ZNF609: variants seen among roughly 807,000 people sequenced by gnomAD.
ZNF609 encodes zinc finger protein 609.
A neutral mutation model predicts 109.5 loss-of-function variants in ZNF609; 11 were observed. The ratio of observed to expected loss-of-function variants is 0.10; its 90% CI spans 0.06 to 0.17. ZNF609 has a LOEUF of 0.17. ZNF609 is among the 10% of genes least tolerant of loss of function. ZNF609 has a pLI of 1.00. For synonymous variants in ZNF609, 646 were observed against 662.0 expected (o/e 0.98, Z 0.37); for missense variants, 1,559 against 1,772.4 (o/e 0.88, Z 2.16).
At chr15:64,626,829 C>G (rs1895970465) in intron 3 of ZNF609, among the ~76,000 whole-genome samples, 1 of 152,212 alleles carries the variant, frequency 6.6e-6, no homozygotes, top group Non-Finnish European at 1.5e-5. Context: ...CTAGATTCAA[C>G]CGTGGGACTG....
rs748250002 is a variant in ZNF609, at chr15:64,681,299, G to C, written c.4163-10G>C. Reference sequence around the variant, plus strand: ...GAGTGCTACACTAACATGTTCTCCTGCTTATTCAGGGCTTTCTTCTACAGC... The same window carrying C: ...GAGTGCTACACTAACATGTTCTCCTCCTTATTCAGGGCTTTCTTCTACAGC... On this transcript the variant is annotated splice_polypyrimidine_tract_variant and intron_variant, in intron 8 of 9. Transcript: ENST00000326648. The C allele has an allele frequency of 6.2e-7, 1 of 1,613,468 alleles. No individual in the cohort carries two copies. The highest frequency in any genetic ancestry group is 8.5e-7 in the Non-Finnish European group (1 of 1,179,602).
At chr15:64,465,526 G>A (rs1435809596) in intron 1 of ZNF609, among the ~76,000 whole-genome samples, 3 of 151,908 alleles carry the variant, frequency 2.0e-5, no homozygotes, top group East Asian at 1.9e-4. Flanking sequence ...GTCTACAGGC[G>A]CCCACCACCA....
intron 2 of ZNF609, among the ~76,000 whole-genome samples, chr15:64,586,464 C>G (rs1895198675): frequency 6.6e-6 from 1 of 152,068 alleles, no homozygotes; most frequent in Non-Finnish European, 1.5e-5. Context: ...TGAGCAGTGG[C>G]TGAGAAAGTA....
intron 2 of ZNF609, among the ~76,000 whole-genome samples, chr15:64,619,471 A>G (rs1182296285): frequency 6.6e-6 from 1 of 152,208 alleles, no homozygotes; most frequent in African/African-American, 2.4e-5. Context: ...CCAAATGGTA[A>G]TTAACAGAGC....
chr15:64,490,611 TA>T lies in ZNF609; in HGVS notation c.-127-8680del, dbSNP rs377557076. On this transcript the variant is annotated intron_variant, in intron 1 of 9. Coordinates refer to ENST00000326648, the MANE Select transcript of ZNF609 (RefSeq NM_015042.2). ...TTTTTTTTTAATTGTTTACCTCAGA[TA>T]ATCTGCCTCTGCTTTTTGGCCTAGC... Among the ~76,000 whole-genome samples the T allele has an allele frequency of 6.1e-3, 931 of 152,260 alleles. 10 individuals are homozygous for T. Among genetic ancestry groups the T allele is most frequent in the African/African-American group, 0.021 (875 of 41,568 alleles).
At chr15:64,669,068 A>C (rs1896690361) in intron 3 of ZNF609, among the ~76,000 whole-genome samples, 1 of 152,036 alleles carries the variant, frequency 6.6e-6, no homozygotes. Flanking sequence ...TCATGTTGCC[A>C]AAGGAAAAGG....
chr15:64,588,557 C>G (rs1451318679), intron 2 of ZNF609, among the ~76,000 whole-genome samples: 1 of 151,316 alleles, frequency 6.6e-6, no homozygotes, highest in African/African-American at 2.4e-5. Context: ...GTTGCCCACG[C>G]TGGTCTCAAA....
rs771022478 is a variant in ZNF609 at position 64,561,552 on chromosome 15, CTTTTTTT to C, written c.748-61263_748-61257del. Among the ~76,000 whole-genome samples the C allele has an allele frequency of 6.2e-4, 81 of 129,906 alleles. 2 individuals carry two copies. In the South Asian group the frequency reaches 0.014, roughly 23 times the overall value. 85.2% of individuals were successfully genotyped at this position (129,906 alleles called of 152,430 possible). ...TTTTTCTTTCTTTTCTTTTCTTTTT[CTTTTTTT>C]TTTTTTTTTTTAAATGATTTAGATG... On this transcript the variant is annotated intron_variant, in intron 2 of 9. Coordinates refer to ENST00000326648, the MANE Select transcript of ZNF609 (RefSeq NM_015042.2).
At chr15:64,539,213 T>A (rs1222738564) in intron 2 of ZNF609, among the ~76,000 whole-genome samples, 6 of 140,156 alleles carry the variant, frequency 4.3e-5, no homozygotes, top group Admixed American at 1.5e-4. Flanking sequence ...TTTATTATTT[T>A]TTATTTTGTT....
intron 3 of ZNF609, among the ~76,000 whole-genome samples, chr15:64,626,569 G>T (rs1895966109): frequency 1.3e-5 from 2 of 152,054 alleles, no homozygotes; most frequent in Non-Finnish European, 2.9e-5. Context: ...GTGAATGCTT[G>T]GCCTCTGAGG....
In ZNF609 at chr15:64,499,364, G is replaced by A. The variant is rs868225655; in HGVS notation, c.-56G>A. 4 of 1,573,330 alleles carry A rather than the reference G, an allele frequency of 2.5e-6. No individual in the cohort carries two copies. The highest frequency in any genetic ancestry group is 3.4e-6 in the Non-Finnish European group (4 of 1,160,604). ...GAGAACATAGCTGAAGCTGAAAATA[G>A]GAAAGCTGGGGGCAAGGAAGAGCCT... On this transcript the variant is annotated 5_prime_UTR_variant, in exon 2 of 10. Transcript: ENST00000326648.
In ZNF609 at chr15:64,646,037, A is replaced by G. The variant is rs577043680; in HGVS notation, c.973+22985A>G. ...CCAGCAATTCTACTCCTAGGTATAT[A>G]CTTAAAAGAATGGAAAACAGATGTT... On this transcript the variant is annotated intron_variant, in intron 3 of 9. Coordinates refer to ENST00000326648, the MANE Select transcript of ZNF609 (RefSeq NM_015042.2). Among the ~76,000 whole-genome samples the G allele has an allele frequency of 3.9e-5, 6 of 152,336 alleles. No individual in the cohort carries two copies. The South Asian group carries it at 1.0e-3, about 26-fold the overall frequency.
At chr15:64,609,076 CTTTCTT>C (rs1325050390) in intron 2 of ZNF609, among the ~76,000 whole-genome samples, 10 of 33,696 alleles carry the variant, frequency 3.0e-4, no homozygotes, top group African/African-American at 7.4e-4. Flanking sequence ...TTCTTTCTTT[CTTTCTT>C]TCTTTCTTTC....
chr15:64,533,297 C>T (rs1249288886), intron 2 of ZNF609, among the ~76,000 whole-genome samples: 2 of 152,136 alleles, frequency 1.3e-5, no homozygotes, highest in South Asian at 2.1e-4. Flanking sequence ...GCCATCTGCC[C>T]GTCTCAGCCC....
Position 64,674,047 on chromosome 15 carries a change from G to C in ZNF609, c.1193G>C (p.Ser398Thr). 1.2e-6 allele frequency: 2 copies of C among 1,614,196 alleles called. No individual in the cohort carries two copies. Among genetic ancestry groups the C allele is most frequent in the Non-Finnish European group, 1.7e-6 (2 of 1,180,038 alleles). The change falls in exon 5 of 10, where the codon AGC becomes ACC. Residue 398 changes from serine (S) to threonine (T), a missense_variant. Physicochemically the swap from Ser to Thr is moderately conservative, Grantham distance 58 (BLOSUM62 1). This residue lies in a region of ZNF609 where 1,204 missense variants were observed against 1,314.1 expected (regional missense o/e 0.92). Coordinates refer to ENST00000326648, the MANE Select transcript of ZNF609 (RefSeq NM_015042.2). ...TCTGACAGCAAAGGGACCAGTAACA[G>C]CAGCAAAACCCGGGCAGGAGCCAAT... is the stretch of plus-strand genomic sequence containing the variant. ...TASDSKGTSN[S>T]SKTRAGANSK...
intron 2 of ZNF609, among the ~76,000 whole-genome samples, chr15:64,612,856 A>G (rs2140962441): frequency 6.6e-6 from 1 of 152,064 alleles, no homozygotes; most frequent in East Asian, 1.9e-4. Flanking sequence ...CTCTACTAAA[A>G]ATACAAAAAT....
rs766808451 is a variant in ZNF609 at position 64,681,368 on chromosome 15, C to A, written c.4222C>A (p.Pro1408Thr). 7 of 1,613,142 alleles carry A rather than the reference C, an allele frequency of 4.3e-6. No individual in the cohort carries two copies. The East Asian group carries it at 8.9e-5, about 21-fold the overall frequency. Residue 1408 changes from proline to threonine, a missense_variant, in exon 9 of 10, where the codon CCC becomes ACC. Pro to Thr is a conservative substitution (Grantham distance 38, BLOSUM62 -1). Transcript: ENST00000326648. Reference protein sequence around the residue: ...QQGSTPSLYPPPRR With the variant: ...QQGSTPSLYPTPRR ...AGGCTCAACTCCCTCACTCTACCCACCCCCCAGGAGGTGAGAATGGTAAGT... is the reference window on the plus strand; with the variant it reads ...AGGCTCAACTCCCTCACTCTACCCAACCCCCAGGAGGTGAGAATGGTAAGT...
intron 3 of ZNF609, among the ~76,000 whole-genome samples, chr15:64,643,369 T>C (rs1341398779): frequency 6.6e-6 from 1 of 152,210 alleles, no homozygotes; most frequent in Non-Finnish European, 1.5e-5. Context: ...GGGAAAACTT[T>C]AGAAAACTAC....
Position 64,676,242 on chromosome 15 carries a change from C to A in ZNF609, c.3388C>A (p.Leu1130Ile). 1 of 1,608,106 alleles carries A rather than the reference C, an allele frequency of 6.2e-7. No homozygotes were observed. The highest frequency in any genetic ancestry group is 8.5e-7 in the Non-Finnish European group (1 of 1,177,392). Residue 1130 changes from leucine to isoleucine, a missense_variant, in exon 5 of 10, where the codon CTC becomes ATC. Leu to Ile is a conservative substitution (Grantham distance 5). Around this residue, in one of 4 missense-constraint regions of ZNF609, gnomAD observed 1,204 missense variants for 1,314.1 expected, o/e 0.92. Transcript: ENST00000326648. ...TCGACAGGCAGAGATGGATCCAATA[C>A]TCTGGTACCGACAGGTAACTGTTGC... Reference protein sequence around the residue: ...CGRQAEMDPILWYRQEAEPRM... With the variant: ...CGRQAEMDPIIWYRQEAEPRM...
Sources: allele counts gnomAD v4.1 joint callset (sites outside exome capture counted in the v4.1 genomes callset), GRCh38; gene constraint gnomAD v4.1.1; regional missense constraint gnomAD v4.1.1; transcripts MANE v1.5; gene names NCBI Gene and HGNC (gene_info 2026-07-23, HGNC 2026-07-21).